MAPK14: variants seen among roughly 807,000 people sequenced by gnomAD.
MAPK14 encodes mitogen-activated protein kinase 14.
Under a neutral mutation model 49.6 loss-of-function variants are expected in MAPK14, and 16 were observed. The ratio of observed to expected loss-of-function variants is 0.32; its 90% CI spans 0.22 to 0.49. The LOEUF is 0.49. Ranked by LOEUF, MAPK14 falls within the 20% of genes least tolerant of loss-of-function variation. The pLI, the probability that MAPK14 is intolerant of heterozygous loss-of-function variation, is 0.99. For missense variants in MAPK14, 200 were observed against 441.2 expected (o/e 0.45, Z 4.90); for synonymous variants, 142 against 158.0 (o/e 0.90, Z 0.76).
intron 9 of MAPK14, chr6:36,096,461 GTGTT>G (rs2127468319): frequency 1.2e-5 from 2 of 167,050 alleles, no homozygotes; most frequent in South Asian, 3.5e-4. Flanking sequence ...ACTGTTTCTA[GTGTT>G]TGTTCTCAGA....
downstream of MAPK14, among the ~76,000 whole-genome samples, chr6:36,113,016 C>T (rs1210251758): frequency 6.6e-6 from 1 of 152,140 alleles, no homozygotes; most frequent in Non-Finnish European, 1.5e-5. Context: ...ACTTTCACTT[C>T]TCTATATAAT....
At chr6:36,103,836 A>G (rs1041320156) in intron 10 of MAPK14, among the ~76,000 whole-genome samples, 8 of 152,266 alleles carry the variant, frequency 5.3e-5, no homozygotes, top group African/African-American at 1.9e-4. Flanking sequence ...CTGCCTTCTC[A>G]CTTTTCTTAA....
chr6:36,093,575 C>T (rs1482483026), intron 8 of MAPK14, among the ~76,000 whole-genome samples: 1 of 151,932 alleles, frequency 6.6e-6, no homozygotes, highest in Non-Finnish European at 1.5e-5. Flanking sequence ...AAAAATTAGC[C>T]GGGTGTGGTG....
chr6:36,121,942 A>G, the MAPK14 span, among the ~76,000 whole-genome samples: 1 of 152,252 alleles, frequency 6.6e-6, no homozygotes, highest in African/African-American at 2.4e-5. Flanking sequence ...ATTAAGTTAC[A>G]TGTATGTAAA....
chr6:36,101,832 T>A (rs981331949), intron 9 of MAPK14, among the ~76,000 whole-genome samples: 7 of 152,206 alleles, frequency 4.6e-5, no homozygotes, highest in African/African-American at 1.7e-4. Flanking sequence ...TTTTATAAAC[T>A]TGTGTGTGTA....
chr6:36,078,584 T>A (rs1251889394), intron 8 of MAPK14, among the ~76,000 whole-genome samples: 1 of 152,242 alleles, frequency 6.6e-6, no homozygotes, highest in Non-Finnish European at 1.5e-5. Flanking sequence ...CTTAGGTCTT[T>A]TTCTTCTGTG....
intron 1 of MAPK14, among the ~76,000 whole-genome samples, chr6:36,049,044 A>G (rs1172342454): frequency 6.6e-6 from 1 of 152,174 alleles, no homozygotes; most frequent in African/African-American, 2.4e-5. Flanking sequence ...AACCAATGGA[A>G]GTGTTGATAT....
At chr6:36,061,782 C>G (rs1362136423) in intron 3 of MAPK14, among the ~76,000 whole-genome samples, 1 of 152,186 alleles carries the variant, frequency 6.6e-6, no homozygotes, top group African/African-American at 2.4e-5. Context: ...GTCACTTTAC[C>G]ACTGTAGGCC....
chr6:36,060,008 T>G (rs1342362950), intron 3 of MAPK14, among the ~76,000 whole-genome samples: 1 of 152,218 alleles, frequency 6.6e-6, no homozygotes, highest in African/African-American at 2.4e-5. Flanking sequence ...CTCTCAGCTT[T>G]GTAACCACCT....
chr6:36,111,984 A>G (rs1765982446), downstream of MAPK14, among the ~76,000 whole-genome samples: 1 of 152,156 alleles, frequency 6.6e-6, no homozygotes, highest in Non-Finnish European at 1.5e-5. Context: ...AGGCGGGCAG[A>G]TCACGAGGTC....
At chr6:36,114,174 ATGT>A (rs1157969961), downstream of MAPK14, among the ~76,000 whole-genome samples, 1 of 152,228 alleles carries the variant, frequency 6.6e-6, no homozygotes, top group African/African-American at 2.4e-5. Flanking sequence ...ATGTCTCCAG[ATGT>A]TGTTGCCAAA....
chr6:36,113,343 T>TAAA (rs35876911), downstream of MAPK14, among the ~76,000 whole-genome samples: 297 of 70,720 alleles, frequency 4.2e-3, 5 homozygotes, highest in African/African-American at 5.0e-3. Flanking sequence ...CCCTGTCTCA[T>TAAA]AAAAAAAAAA....
intron 9 of MAPK14, 51 bp downstream of exon 9, chr6:36,096,117 G>T: frequency 7.8e-7 from 1 of 1,280,558 alleles, no homozygotes; most frequent in African/African-American, 1.5e-5. Context: ...TCTGCCACTT[G>T]CCTTCTACCA....
At chr6:36,120,531 C>G in the MAPK14 span, among the ~76,000 whole-genome samples, 2 of 152,128 alleles carry the variant, frequency 1.3e-5, no homozygotes, top group East Asian at 3.8e-4. Context: ...ACCGCCACCC[C>G]CCACCATGAT....
At chr6:36,044,652 A>C (rs916692342) in intron 1 of MAPK14, among the ~76,000 whole-genome samples, 4 of 151,696 alleles carry the variant, frequency 2.6e-5, no homozygotes, top group Admixed American at 6.6e-5. Context: ...AGGTGGGAGG[A>C]TCGCCTGAGG....
intron 8 of MAPK14, among the ~76,000 whole-genome samples, chr6:36,079,269 G>A (rs1472584136): frequency 1.3e-5 from 2 of 152,036 alleles, no homozygotes; most frequent in African/African-American, 2.4e-5. Context: ...TCTGTTCTTC[G>A]CTGTTCTTCT....
At chr6:36,117,342 T>C in the MAPK14 span, among the ~76,000 whole-genome samples, 6 of 152,244 alleles carry the variant, frequency 3.9e-5, no homozygotes, top group African/African-American at 1.4e-4. Flanking sequence ...ACAAAGTCAC[T>C]GTGTGCTCTT....
intron 1 of MAPK14, among the ~76,000 whole-genome samples, chr6:36,049,519 T>C (rs982372949): frequency 6.6e-6 from 1 of 152,318 alleles, no homozygotes; most frequent in Non-Finnish European, 1.5e-5. Flanking sequence ...ACTTCAAAGT[T>C]TCTTATTCCA....
At chr6:36,053,146 AT>A (rs1282097581) in intron 2 of MAPK14, among the ~76,000 whole-genome samples, 3 of 150,430 alleles carry the variant, frequency 2.0e-5, no homozygotes, top group Non-Finnish European at 4.4e-5. Context: ...AAAAGAAGTT[AT>A]GTATTCTTTG....
Sources: allele counts gnomAD v4.1 joint callset (sites outside exome capture counted in the v4.1 genomes callset), GRCh38; gene constraint gnomAD v4.1.1; transcripts MANE v1.5; gene names NCBI Gene and HGNC (gene_info 2026-07-23, HGNC 2026-07-21).